ALCAM: variants seen among roughly 807,000 people sequenced by gnomAD.
ALCAM encodes the protein CD166 antigen.
ALCAM carries 30 observed loss-of-function variants against 70.9 expected under a neutral mutation model. The ratio of observed to expected loss-of-function variants is 0.42; its 90% confidence interval spans 0.32 to 0.57. ALCAM has a LOEUF of 0.57. ALCAM is among the 20% of genes least tolerant of loss of function. ALCAM has a pLI of 0.11. For missense variants in ALCAM, 591 were observed against 695.1 expected (o/e 0.85, Z 1.68); for synonymous variants, 249 against 242.5 (o/e 1.03, Z -0.25).
chr3:105,536,311 C>T (rs1939969044), intron 6 of ALCAM, among the ~76,000 whole-genome samples: 1 of 152,096 alleles, frequency 6.6e-6, no homozygotes, highest in South Asian at 2.1e-4. Context: ...TCAGGTTGGT[C>T]TCGAACTCCT....
Position 105,435,214 on chromosome 3 carries a change from A to C in ALCAM, c.73+67733A>C, listed in dbSNP as rs773671213. Among the ~76,000 whole-genome samples, 6 of 152,302 alleles carry C rather than the reference A, an allele frequency of 3.9e-5. No homozygotes were observed. In the South Asian group the frequency reaches 1.2e-3, roughly 32 times the overall value. ...TGCTTATGGTTGTTTACTACTGACA[A>C]AAATATAAGATTAATTATAACTGAT... On this transcript the variant is annotated intron_variant, in intron 1 of 15. Coordinates refer to ENST00000306107, the MANE Select transcript of ALCAM (RefSeq NM_001627.4).
At position 105,385,005 on chromosome 3, in the gene ALCAM, T is replaced by C. The variant is rs529601882; in HGVS notation, c.73+17524T>C. On this transcript the variant is annotated intron_variant, in intron 1 of 15. Transcript: ENST00000306107. ...ATTAATCAAAGAGGCTACATGACAA[T>C]TTTTTAAAAAATCTTTTCTATTACT... 8.6e-5 allele frequency among the ~76,000 whole-genome samples: 13 copies of C among 151,650 alleles called. No individual in the cohort carries two copies. The East Asian group carries it at 2.3e-3, about 27-fold the overall frequency.
rs200636137 is a variant in ALCAM, at chr3:105,523,167, G to A, written c.175-1122G>A. Reference sequence around the variant, plus strand: ...AAAAAAAAAAAAAAAAAAAAAAAAAGAAAGCCCAAAGAAAACACCTGCCAT... The same window carrying A: ...AAAAAAAAAAAAAAAAAAAAAAAAAAAAAGCCCAAAGAAAACACCTGCCAT... On this transcript the variant is annotated intron_variant, in intron 2 of 15. Coordinates refer to ENST00000306107, the MANE Select transcript of ALCAM (RefSeq NM_001627.4). 6.2e-3 allele frequency among the ~76,000 whole-genome samples: 600 copies of A among 96,906 alleles called. 6 individuals carry two copies. The highest frequency in any genetic ancestry group is 0.018 in the African/African-American group (469 of 26,574). The allele number at this position is 96,906 out of a possible 152,430, so 63.6% of individuals were successfully genotyped here.
intron 14 of ALCAM, among the ~76,000 whole-genome samples, chr3:105,568,616 T>C (rs1221547589): frequency 1.3e-5 from 2 of 152,200 alleles, no homozygotes; most frequent in Non-Finnish European, 2.9e-5. Context: ...GAGCTTATCA[T>C]AGTGTATACG....
In ALCAM at chr3:105,499,665, T is replaced by G. The variant is rs189186791; in HGVS notation, c.74-20402T>G. On this transcript the variant is annotated intron_variant, in intron 1 of 15. Transcript: ENST00000306107. The stretch of plus-strand genomic sequence containing the variant: ...CTGCTGGGGCGGAGAGGTAGCTGTT[T>G]GATGTAATTGGTCTATCAAGTTTAA... Among the ~76,000 whole-genome samples the G allele has an allele frequency of 3.5e-4, 54 of 152,352 alleles. No individual in the cohort carries two copies. The East Asian group carries it at 0.01, about 28-fold the overall frequency.
At chr3:105,472,081 C>T (rs1324431954) in intron 1 of ALCAM, among the ~76,000 whole-genome samples, 3 of 151,414 alleles carry the variant, frequency 2.0e-5, no homozygotes, top group East Asian at 1.9e-4. Context: ...TTTCACTGAA[C>T]GCAGTGTCTT....
rs1389592251 is a variant in ALCAM, at chr3:105,431,687, G to A, written c.73+64206G>A. Among the ~76,000 whole-genome samples, 3 of 152,034 alleles carry A rather than the reference G, an allele frequency of 2.0e-5. No homozygotes were observed. The East Asian group carries it at 5.8e-4, about 29-fold the overall frequency. On this transcript the variant is annotated intron_variant, in intron 1 of 15. Coordinates refer to ENST00000306107, the MANE Select transcript of ALCAM (RefSeq NM_001627.4). ...ACCATTAAACCAATCAATCTACCAT[G>A]CATTAACTATACAAAGGAACGAGTC...
intron 1 of ALCAM, among the ~76,000 whole-genome samples, chr3:105,377,013 C>G (rs1290269462): frequency 6.6e-6 from 1 of 152,076 alleles, no homozygotes; most frequent in Non-Finnish European, 1.5e-5. Flanking sequence ...ATGTCTTTGT[C>G]TTATTGAAAT....
chr3:105,506,136 T>C (rs1939069130), intron 1 of ALCAM, among the ~76,000 whole-genome samples: 1 of 152,230 alleles, frequency 6.6e-6, no homozygotes. Context: ...AATGATACTC[T>C]TTACCTAAGA....
At chr3:105,377,108 T>C (rs1270170605) in intron 1 of ALCAM, among the ~76,000 whole-genome samples, 1 of 152,170 alleles carries the variant, frequency 6.6e-6, no homozygotes, top group Non-Finnish European at 1.5e-5. Flanking sequence ...ATTTTGTACC[T>C]TTCCTTTTTC....
At chr3:105,368,261 G>GAGAGAGAGAGAGAGAA (rs1559767074) in intron 1 of ALCAM, among the ~76,000 whole-genome samples, 1 of 142,768 alleles carries the variant, frequency 7.0e-6, no homozygotes, top group African/African-American at 2.5e-5. Context: ...GAGAGAGAGA[G>GAGAGAGAGAGAGAGAA]AGAAAAGGCA....
chr3:105,550,085 C>G (rs1940355173), intron 11 of ALCAM, 42 bp from the exon 12 acceptor site: 2 of 1,524,104 alleles, frequency 1.3e-6, no homozygotes, highest in Admixed American at 1.8e-5. Flanking sequence ...GCTTTTTAAT[C>G]CATTTTGATT....
chr3:105,425,434 T>C lies in ALCAM; in HGVS notation c.73+57953T>C, dbSNP rs531143849. ...TGCATTGGGCATTGGAGATGTCTTA[T>C]GCTTTTTGCCTTTGCTACACACTTC... On this transcript the variant is annotated intron_variant, in intron 1 of 15. Transcript: ENST00000306107. Among the ~76,000 whole-genome samples the C allele has an allele frequency of 3.3e-5, 5 of 151,968 alleles. No individual in the cohort carries two copies. The South Asian group carries it at 6.2e-4, about 19-fold the overall frequency.
intron 1 of ALCAM, among the ~76,000 whole-genome samples, chr3:105,410,817 G>T (rs1936367803): frequency 7.1e-6 from 1 of 141,744 alleles, no homozygotes; most frequent in Non-Finnish European, 1.5e-5. Flanking sequence ...ATAAATATTA[G>T]AAATGATTGT....
intron 1 of ALCAM, among the ~76,000 whole-genome samples, chr3:105,404,713 G>A (rs1028943815): frequency 6.6e-6 from 1 of 150,534 alleles, no homozygotes; most frequent in African/African-American, 2.4e-5. Context: ...AAAATAGCAC[G>A]ATGAATAGAA....
At chr3:105,370,062 G>A (rs1018409650) in intron 1 of ALCAM, among the ~76,000 whole-genome samples, 13 of 152,150 alleles carry the variant, frequency 8.5e-5, no homozygotes, top group African/African-American at 3.1e-4. Context: ...TCATCTGTAT[G>A]AACCCCTCTA....
At chr3:105,554,665 T>C (rs986774903) in intron 14 of ALCAM, among the ~76,000 whole-genome samples, 2 of 151,972 alleles carry the variant, frequency 1.3e-5, no homozygotes, top group Admixed American at 6.6e-5. Context: ...ATGGCATCTA[T>C]AGAAAATTCG....
At chr3:105,462,136 A>C (rs1576179228) in intron 1 of ALCAM, among the ~76,000 whole-genome samples, 1 of 151,714 alleles carries the variant, frequency 6.6e-6, no homozygotes, top group South Asian at 2.1e-4. Flanking sequence ...AGCTAATAAA[A>C]ATTTAGAAAT....
At chr3:105,467,442 T>C (rs1193409021) in intron 1 of ALCAM, among the ~76,000 whole-genome samples, 4 of 151,118 alleles carry the variant, frequency 2.6e-5, no homozygotes, top group Non-Finnish European at 4.4e-5. Flanking sequence ...TTATTAGCCT[T>C]AAAGAGCCTC....
Sources: gnomAD v4.1 joint callset for allele counts (sites outside exome capture counted in the v4.1 genomes callset) on GRCh38, gnomAD v4.1.1 for gene constraint, MANE v1.5 for transcripts, NCBI Gene and HGNC (gene_info 2026-07-23, HGNC 2026-07-21) for gene names.